The following ZFHX3 variants were observed in gnomAD, a reference collection of about 807,000 sequenced individuals.
ZFHX3 encodes the protein zinc finger homeobox protein 3.
Under a neutral mutation model 279.1 loss-of-function variants are expected in ZFHX3, and 42 were observed. The observed-to-expected ratio is 0.15, with a 90% CI of 0.12 to 0.19. The LOEUF (loss-of-function observed/expected upper bound fraction) is 0.19, where lower values mean the gene tolerates loss of function less well. Ranked by LOEUF, ZFHX3 falls within the 10% of genes least tolerant of loss-of-function variation. The pLI, the probability that ZFHX3 is intolerant of heterozygous loss-of-function variation, is 1.00. For missense variants in ZFHX3, 4,981 were observed against 4,754.0 expected, an observed-to-expected ratio of 1.05 and a Z score of -1.40; for synonymous variants, 2,293 against 1,957.8, an observed-to-expected ratio of 1.17 and a Z score of -4.52.
chr16:72,931,027 T>C (rs1319995568), intron 3 of ZFHX3, among the ~76,000 whole-genome samples: 1 of 152,250 alleles, frequency 6.6e-6, no homozygotes, highest in African/African-American at 2.4e-5. Flanking sequence ...GCCACTGATT[T>C]GCATTTCATT....
At chr16:73,084,584 G>A (rs1019012442) in intron 8 of ZFHX3, among the ~76,000 whole-genome samples, 3 of 138,644 alleles carry the variant, frequency 2.2e-5, no homozygotes, top group Non-Finnish European at 3.0e-5. Context: ...GCAGTGGCAC[G>A]ATCTCGGCTC....
chr16:73,535,207 T>A (rs528079426), intron 2 of ZFHX3, among the ~76,000 whole-genome samples: 10 of 152,198 alleles, frequency 6.6e-5, no homozygotes, highest in Non-Finnish European at 1.3e-4. Flanking sequence ...AGAAATGCAA[T>A]AGGCATATAT....
At chr16:73,030,329 T>C (rs1444589056) in intron 1 of ZFHX3, among the ~76,000 whole-genome samples, 1 of 152,204 alleles carries the variant, frequency 6.6e-6, no homozygotes, top group Non-Finnish European at 1.5e-5. Flanking sequence ...AGCAGGTTCA[T>C]TCTCCTCCAC....
chr16:73,188,359 C>T (rs1967960663), intron 5 of ZFHX3, among the ~76,000 whole-genome samples: 1 of 152,150 alleles, frequency 6.6e-6, no homozygotes. Context: ...CAGGCCTAGC[C>T]CTTAAAAGGG....
At chr16:73,155,017 T>C (rs565121876) in intron 5 of ZFHX3, among the ~76,000 whole-genome samples, 10 of 151,778 alleles carry the variant, frequency 6.6e-5, no homozygotes, top group African/African-American at 2.4e-4. Context: ...CTACTAAAAA[T>C]ACAAAAATTA....
At chr16:72,843,884 C>T (rs894531556) in intron 4 of ZFHX3, among the ~76,000 whole-genome samples, 2 of 152,134 alleles carry the variant, frequency 1.3e-5, no homozygotes, top group Admixed American at 1.3e-4. Flanking sequence ...AAAACAAAAC[C>T]AGCCAATCCT....
Position 73,118,185 on chromosome 16 carries a change from G to A in ZFHX3, c.-897+12783C>T, listed in dbSNP as rs145566475. Among the ~76,000 whole-genome samples the A allele has an allele frequency of 1.5e-4, 23 of 152,230 alleles. 1 individual carries two copies. The East Asian group carries it at 4.4e-3, about 29-fold the overall frequency. Reference sequence around the variant, plus strand: ...ATACCAAGAATTCTTTCTATTGCCAGAGGTCTTAATTATTTTTTGTTCTTA... The same window carrying A: ...ATACCAAGAATTCTTTCTATTGCCAAAGGTCTTAATTATTTTTTGTTCTTA... On this transcript the variant is annotated intron_variant, in intron 7 of 17. Coordinates refer to the ZFHX3 transcript ENST00000641206.
chr16:73,205,062 G>A (rs574526383), intron 5 of ZFHX3, among the ~76,000 whole-genome samples: 6 of 152,224 alleles, frequency 3.9e-5, no homozygotes, highest in African/African-American at 1.4e-4. Flanking sequence ...ACTAGCAAGT[G>A]GAATAACGAG....
intron 4 of ZFHX3, among the ~76,000 whole-genome samples, chr16:73,304,302 A>G (rs1230391272): frequency 6.6e-6 from 1 of 152,168 alleles, no homozygotes; most frequent in African/African-American, 2.4e-5. Flanking sequence ...ATGGGAAAAG[A>G]GCCCTTCCTC....
intron 1 of ZFHX3, among the ~76,000 whole-genome samples, chr16:73,695,073 G>T (rs2053184626): frequency 6.6e-6 from 1 of 152,144 alleles, no homozygotes. Context: ...TTACACAAGG[G>T]ATTACAAAAG....
rs1048782820 is a variant in ZFHX3, at chr16:73,154,761, C to T, written c.-1103-10930G>A. 5.3e-5 allele frequency among the ~76,000 whole-genome samples: 8 copies of T among 151,986 alleles called. No individual in the cohort carries two copies. The South Asian group carries it at 1.7e-3, about 32-fold the overall frequency. On this transcript the variant is annotated intron_variant, in intron 5 of 17. Transcript: ENST00000641206. ...ATGCTCAACCTTCAAGAGCTTCATA[C>T]TACTAAAGATGGGTGAAGAAAGGAG...
chr16:73,491,775 T>C (rs1459192951), intron 2 of ZFHX3, among the ~76,000 whole-genome samples: 1 of 152,090 alleles, frequency 6.6e-6, no homozygotes, highest in Non-Finnish European at 1.5e-5. Context: ...TGGAGGCAAG[T>C]GGTGGGGGTG....
At chr16:73,453,239 A>G (rs971648990) in intron 3 of ZFHX3, among the ~76,000 whole-genome samples, 2 of 152,218 alleles carry the variant, frequency 1.3e-5, no homozygotes, top group Non-Finnish European at 2.9e-5. Flanking sequence ...TTGTTTCCAA[A>G]AAAGTTGTAA....
chr16:73,411,600 G>A (rs142692064), intron 3 of ZFHX3, among the ~76,000 whole-genome samples: 68 of 152,274 alleles, frequency 4.5e-4, no homozygotes, highest in Non-Finnish European at 3.4e-4. Flanking sequence ...CTGTGAGGGT[G>A]TTGGGGTATA....
Position 73,528,269 on chromosome 16 carries a change from G to A in ZFHX3, c.-1546-72011C>T, listed in dbSNP as rs188312208. 4.7e-4 allele frequency among the ~76,000 whole-genome samples: 71 copies of A among 152,220 alleles called. No individual in the cohort carries two copies. In the East Asian group the frequency reaches 0.013, roughly 27 times the overall value. On this transcript the variant is annotated intron_variant, in intron 2 of 17. Coordinates refer to the ZFHX3 transcript ENST00000641206. ...GTGGAAGATGTAGCATCATTATCAGGCACGATTATTACACTATATTTTACA... is the reference window on the plus strand; with the variant it reads ...GTGGAAGATGTAGCATCATTATCAGACACGATTATTACACTATATTTTACA...
intron 2 of ZFHX3, among the ~76,000 whole-genome samples, chr16:73,617,238 G>A (rs1199157144): frequency 1.3e-5 from 2 of 152,188 alleles, no homozygotes; most frequent in African/African-American, 4.8e-5. Flanking sequence ...CTTATAAGGT[G>A]GGAATCTAGC....
intron 4 of ZFHX3, among the ~76,000 whole-genome samples, chr16:73,269,636 T>G (rs12149192): frequency 0.46 from 70,632 of 152,064 alleles, 17,075 homozygotes; most frequent in East Asian, 0.66. Context: ...ACATCTTTGT[T>G]TGGGTATATG....
intron 4 of ZFHX3, among the ~76,000 whole-genome samples, chr16:72,887,516 G>A (rs2038656302): frequency 6.6e-6 from 1 of 152,082 alleles, no homozygotes; most frequent in East Asian, 1.9e-4. Flanking sequence ...ACTGAGTGTG[G>A]AGGGAGCTGG....
At chr16:73,840,808 T>C (rs957966758) in intron 1 of ZFHX3, among the ~76,000 whole-genome samples, 1 of 152,184 alleles carries the variant, frequency 6.6e-6, no homozygotes, top group Non-Finnish European at 1.5e-5. Context: ...AGTCGACTGA[T>C]GAGATTTCCA....
Sources: gnomAD v4.1 joint callset for allele counts (sites outside exome capture counted in the v4.1 genomes callset) on GRCh38, gnomAD v4.1.1 for gene constraint, MANE v1.5 for transcripts, NCBI Gene and HGNC (gene_info 2026-07-23, HGNC 2026-07-21) for gene names.